The following CSGALNACT1 variants were observed in gnomAD, a reference collection of about 807,000 sequenced individuals.
CSGALNACT1 encodes the protein chondroitin sulfate N-acetylgalactosaminyltransferase 1, also known as beta4GalNAcT-1.
CSGALNACT1 carries 52 observed loss-of-function variants against 51.0 expected under a neutral mutation model. That is an observed-to-expected ratio of 1.02 (90% CI 0.82 to 1.29). The LOEUF (loss-of-function observed/expected upper bound fraction) is 1.29. Ranked by LOEUF, CSGALNACT1 falls within the 50% of genes most tolerant of loss-of-function variation. The pLI, the probability that CSGALNACT1 is intolerant of heterozygous loss-of-function variation, is 0.00. For missense variants in CSGALNACT1, 935 were observed against 679.2 expected, an observed-to-expected ratio of 1.38 and a Z score of -4.19; for synonymous variants, 341 against 254.4, an observed-to-expected ratio of 1.34 and a Z score of -3.24.
At chr8:19,519,015 G>A (rs531731298) in intron 3 of CSGALNACT1, among the ~76,000 whole-genome samples, 2 of 152,214 alleles carry the variant, frequency 1.3e-5, no homozygotes, top group Non-Finnish European at 2.9e-5. Flanking sequence ...AACTGACGAT[G>A]AGAAACAATA....
chr8:19,741,560 CAAA>C (rs71545567), intron 1 of CSGALNACT1, among the ~76,000 whole-genome samples: 13 of 108,810 alleles, frequency 1.2e-4, no homozygotes, highest in Non-Finnish European at 1.7e-4. Context: ...GAGACTCCAT[CAAA>C]AAAAAAAAAA....
intron 3 of CSGALNACT1, among the ~76,000 whole-genome samples, chr8:19,546,146 T>G (rs747264918): frequency 6.6e-6 from 1 of 152,138 alleles, no homozygotes; most frequent in African/African-American, 2.4e-5. Context: ...CACAAATAGA[T>G]ATATGCAGAT....
At chr8:19,508,084 TG>T (rs2077719826) in intron 3 of CSGALNACT1, among the ~76,000 whole-genome samples, 1 of 152,238 alleles carries the variant, frequency 6.6e-6, no homozygotes, top group Non-Finnish European at 1.5e-5. Context: ...AGCCAGATTC[TG>T]GGCCAATAAT....
intron 1 of CSGALNACT1, among the ~76,000 whole-genome samples, chr8:19,655,738 G>A (rs2058215159): frequency 6.6e-6 from 1 of 151,952 alleles, no homozygotes; most frequent in Non-Finnish European, 1.5e-5. Context: ...TTAATTCTTT[G>A]TGAAAAATTT....
chr8:19,717,495 C>T (rs1001162517), intron 1 of CSGALNACT1, among the ~76,000 whole-genome samples: 17 of 152,338 alleles, frequency 1.1e-4, no homozygotes, highest in African/African-American at 3.8e-4. Flanking sequence ...ACATGTTCAG[C>T]TATACAGGTT....
chr8:19,458,288 T>C, intron 5 of CSGALNACT1, 138 bp downstream of exon 4: 2 of 841,958 alleles, frequency 2.4e-6, no homozygotes, highest in Non-Finnish European at 4.2e-6. Context: ...TGATAAACTT[T>C]ACGTGGAGAA....
At chr8:19,482,100 G>C (rs747951740) in intron 4 of CSGALNACT1, among the ~76,000 whole-genome samples, 17 of 151,926 alleles carry the variant, frequency 1.1e-4, no homozygotes, top group Non-Finnish European at 2.1e-4. Context: ...ATACACACTA[G>C]AGCTCAGCAC....
chr8:19,546,734 A>G (rs2086572064), intron 3 of CSGALNACT1, among the ~76,000 whole-genome samples: 1 of 152,244 alleles, frequency 6.6e-6, no homozygotes, highest in South Asian at 2.1e-4. Flanking sequence ...ATAAACAAAA[A>G]CCTATATGAA....
At chr8:19,728,808 A>C (rs1371433983) in intron 1 of CSGALNACT1, among the ~76,000 whole-genome samples, 1 of 152,174 alleles carries the variant, frequency 6.6e-6, no homozygotes, top group Non-Finnish European at 1.5e-5. Context: ...GCACTGTGGA[A>C]AAAAATGGTA....
intron 4 of CSGALNACT1, chr8:19,495,297 T>C (rs1230417073): frequency 6.6e-6 from 1 of 152,236 alleles, no homozygotes; most frequent in Non-Finnish European, 1.5e-5. Context: ...GGCAGTCCTC[T>C]ATTTACAAAT....
chr8:19,664,836 T>C (rs2059058302), intron 1 of CSGALNACT1, among the ~76,000 whole-genome samples: 1 of 152,298 alleles, frequency 6.6e-6, no homozygotes, highest in East Asian at 1.9e-4. Flanking sequence ...AGCTAAATAA[T>C]GTATATACAT....
intron 3 of CSGALNACT1, 124 bp from the exon 3 acceptor site, chr8:19,506,254 T>C: frequency 5.4e-6 from 2 of 371,704 alleles, no homozygotes; most frequent in South Asian, 4.2e-5. Flanking sequence ...GATAGATGAT[T>C]AAATATTGTT....
intron 4 of CSGALNACT1, among the ~76,000 whole-genome samples, chr8:19,500,251 C>T (rs914845566): frequency 4.5e-4 from 69 of 152,086 alleles, no homozygotes; most frequent in Non-Finnish European, 7.6e-4. Context: ...GATTCTGGCT[C>T]AGAGTTCCCA....
At chr8:19,530,311 TAC>T (rs72389712) in intron 3 of CSGALNACT1, among the ~76,000 whole-genome samples, 1,929 of 59,110 alleles carry the variant, frequency 0.033, 19 homozygotes, top group East Asian at 0.075. Context: ...TGTGTACACA[TAC>T]ACACACACAC....
chr8:19,587,787 T>C (rs897628906), intron 3 of CSGALNACT1: 2 of 152,226 alleles, frequency 1.3e-5, no homozygotes, highest in African/African-American at 4.8e-5. Flanking sequence ...GGCTTTCTTC[T>C]TCTTGTTTCT....
intron 1 of CSGALNACT1, among the ~76,000 whole-genome samples, chr8:19,622,846 G>C (rs2053992550): frequency 6.6e-6 from 1 of 152,142 alleles, no homozygotes; most frequent in Admixed American, 6.5e-5. Flanking sequence ...TAGAAATTAA[G>C]TAGTAAGATG....
chr8:19,430,955 G>A (rs1441728181), intron 6 of CSGALNACT1, among the ~76,000 whole-genome samples: 1 of 151,896 alleles, frequency 6.6e-6, no homozygotes, highest in African/African-American at 2.4e-5. Context: ...TATGAAAATT[G>A]TTTTCTTAAT....
intron 1 of CSGALNACT1, among the ~76,000 whole-genome samples, chr8:19,690,064 C>T (rs991211110): frequency 7.9e-5 from 12 of 152,144 alleles, no homozygotes; most frequent in African/African-American, 2.9e-4. Context: ...CAGGACTCAA[C>T]AAATAAAACA....
At chr8:19,437,804 G>A (rs1057023327) in intron 6 of CSGALNACT1, among the ~76,000 whole-genome samples, 1 of 152,148 alleles carries the variant, frequency 6.6e-6, no homozygotes, top group African/African-American at 2.4e-5. Context: ...AGTGAATTGG[G>A]TAGATTGATG....
Sources: allele counts gnomAD v4.1 joint callset (sites outside exome capture counted in the v4.1 genomes callset), GRCh38; gene constraint gnomAD v4.1.1; transcripts MANE v1.5; gene names NCBI Gene and HGNC (gene_info 2026-07-23, HGNC 2026-07-21).